Variants in PPP2R3C observed in about 807,000 individuals in gnomAD.
The protein encoded by PPP2R3C is serine/threonine-protein phosphatase 2A regulatory subunit B'' subunit gamma.
PPP2R3C carries 47 observed loss-of-function variants against 63.7 expected under a neutral mutation model. That is an observed-to-expected ratio of 0.74 (90% CI 0.58 to 0.94). PPP2R3C has a LOEUF of 0.94. Among genes scored for constraint, PPP2R3C ranks in the 40% least tolerant of loss-of-function variants. The pLI, the probability that PPP2R3C is intolerant of heterozygous loss-of-function variation, is 0.00. For synonymous variants in PPP2R3C, 180 were observed against 177.4 expected, an observed-to-expected ratio of 1.01 and a Z score of -0.12; for missense variants, 421 against 518.4, an observed-to-expected ratio of 0.81 and a Z score of 1.82.
chr14:35,103,321 C>G (rs1048535443), intron 6 of PPP2R3C, among the ~76,000 whole-genome samples: 30 of 152,112 alleles, frequency 2.0e-4, no homozygotes, highest in African/African-American at 6.8e-4. Flanking sequence ...TTAATTTTGC[C>G]TTGGAGACAC....
intron 6 of PPP2R3C, among the ~76,000 whole-genome samples, chr14:35,105,487 CCTTT>C (rs1471531461): frequency 2.6e-5 from 4 of 151,142 alleles, no homozygotes; most frequent in African/African-American, 9.7e-5. Context: ...AGCCAAAAGG[CCTTT>C]TTTTTTTAAA....
At chr14:35,089,578 T>C (rs1056660141) in intron 11 of PPP2R3C, among the ~76,000 whole-genome samples, 1 of 152,162 alleles carries the variant, frequency 6.6e-6, no homozygotes, top group Non-Finnish European at 1.5e-5. Flanking sequence ...GGTCTCAAAC[T>C]CCTGTGCTCA....
At chr14:35,118,808 A>G (rs981041785) in intron 1 of PPP2R3C, among the ~76,000 whole-genome samples, 1 of 151,294 alleles carries the variant, frequency 6.6e-6, no homozygotes, top group African/African-American at 2.4e-5. Flanking sequence ...CACTTGCCAC[A>G]ATGCCCGGCT....
At chr14:35,111,064 G>A (rs1046502342) in intron 2 of PPP2R3C, among the ~76,000 whole-genome samples, 1 of 151,744 alleles carries the variant, frequency 6.6e-6, no homozygotes, top group African/African-American at 2.4e-5. Flanking sequence ...GTGCAACCCC[G>A]TCTCTACTAA....
At chr14:35,105,049 T>TAA (rs199852881) in intron 6 of PPP2R3C, among the ~76,000 whole-genome samples, 1 of 134,380 alleles carries the variant, frequency 7.4e-6, no homozygotes, top group Non-Finnish European at 1.6e-5. Context: ...TATATTTTCT[T>TAA]AAAAAAAAAA....
chr14:35,101,665 TTAGTG>T (rs2046194265), intron 6 of PPP2R3C: 1 of 152,208 alleles, frequency 6.6e-6, no homozygotes, highest in Admixed American at 6.5e-5. Context: ...AAATGGCAAC[TTAGTG>T]TAGATTTATC....
chr14:35,120,232 T>C (rs1206534485), intron 1 of PPP2R3C, among the ~76,000 whole-genome samples: 2 of 150,604 alleles, frequency 1.3e-5, no homozygotes, highest in African/African-American at 4.9e-5. Flanking sequence ...ACAGGTGATG[T>C]TCTCCTCTGA....
chr14:35,093,904 G>A (rs2045915739), intron 10 of PPP2R3C, among the ~76,000 whole-genome samples: 1 of 152,172 alleles, frequency 6.6e-6, no homozygotes, highest in Admixed American at 6.5e-5. Context: ...ACCCGCCTCG[G>A]CCTCCCAAAG....
chr14:35,121,961 G>T lies in PPP2R3C; in HGVS notation c.-2C>A. The T allele has an allele frequency of 6.2e-7, 1 of 1,614,150 alleles. No homozygotes were observed. The highest frequency in any genetic ancestry group is 8.5e-7 in the Non-Finnish European group (1 of 1,180,030). ...ACGAAGAACTTCTTTCCAGTCCATG[G>T]CCGACTTCCGCGCAGCAGCTTCTGC... On this transcript the variant is annotated 5_prime_UTR_variant, in exon 1 of 13. Transcript: ENST00000261475.
chr14:35,089,127 A>G (rs530652363), intron 11 of PPP2R3C, among the ~76,000 whole-genome samples: 1 of 152,220 alleles, frequency 6.6e-6, no homozygotes, highest in South Asian at 2.1e-4. Context: ...TTTTAGAGAT[A>G]GGGTCTTACT....
chr14:35,108,931 CTT>C (rs927878447), intron 4 of PPP2R3C, among the ~76,000 whole-genome samples: 1 of 147,256 alleles, frequency 6.8e-6, no homozygotes, highest in African/African-American at 2.5e-5. Flanking sequence ...TGTTTGCATT[CTT>C]TTTTTTTTTA....
At chr14:35,088,368 G>GA (rs1254031033) in intron 11 of PPP2R3C, among the ~76,000 whole-genome samples, 1 of 152,114 alleles carries the variant, frequency 6.6e-6, no homozygotes, top group Non-Finnish European at 1.5e-5. Flanking sequence ...CATTTTCCAT[G>GA]AATGTTATTC....
At chr14:35,122,014 C>T, upstream of PPP2R3C, 1 of 1,601,460 alleles carries the variant, frequency 6.2e-7, no homozygotes, top group Non-Finnish European at 8.6e-7. Context: ...TGCTCCACCC[C>T]TACCAGCTCA....
chr14:35,118,463 ATTATT>A (rs1161361897), intron 1 of PPP2R3C, among the ~76,000 whole-genome samples: 1 of 152,122 alleles, frequency 6.6e-6, no homozygotes, highest in Non-Finnish European at 1.5e-5. Context: ...TAATTTACTT[ATTATT>A]TTATTATTTC....
intron 6 of PPP2R3C, chr14:35,100,166 T>C (rs2046139985): frequency 6.6e-6 from 1 of 152,220 alleles, no homozygotes; most frequent in African/African-American, 2.4e-5. Flanking sequence ...TAAATAGCTA[T>C]ATATTATATC....
rs2046914153 is a variant in PPP2R3C at position 35,121,886 on chromosome 14, C to A, written c.58+16G>T. 1 of 1,613,968 alleles carries A rather than the reference C, an allele frequency of 6.2e-7. No homozygotes were observed. Among genetic ancestry groups the A allele is most frequent in the African/African-American group, 1.3e-5 (1 of 74,932 alleles). On this transcript the variant is annotated intron_variant, in intron 1 of 12. Coordinates refer to ENST00000261475, the MANE Select transcript of PPP2R3C (RefSeq NM_017917.4). ...GGGCCGGGCCATCCCAACGGGCTGC[C>A]CCTCCCAAAACTCACTGTTTGGACA...
At chr14:35,110,183 G>C (rs1443929474) in intron 3 of PPP2R3C, 2 of 450,004 alleles carry the variant, frequency 4.4e-6, no homozygotes, top group East Asian at 7.7e-5. Context: ...CTACTTTAGA[G>C]ATGATAATCG....
At chr14:35,115,150 T>C (rs938847443) in intron 2 of PPP2R3C, among the ~76,000 whole-genome samples, 2 of 126,662 alleles carry the variant, frequency 1.6e-5, no homozygotes, top group African/African-American at 2.6e-5. Context: ...GTAAACGGCT[T>C]TTTTTTTTTT....
chr14:35,089,833 T>C (rs2045737942), intron 11 of PPP2R3C, among the ~76,000 whole-genome samples: 1 of 94,342 alleles, frequency 1.1e-5, no homozygotes. Context: ...GCCCGGCTGA[T>C]TTTTTTGCAT....
Sources: gnomAD v4.1 joint callset for allele counts (sites outside exome capture counted in the v4.1 genomes callset) on GRCh38, gnomAD v4.1.1 for gene constraint, MANE v1.5 for transcripts, NCBI Gene and HGNC (gene_info 2026-07-23, HGNC 2026-07-21) for gene names.